The following TMEM161A variants were observed in gnomAD, a reference collection of about 807,000 sequenced individuals.
TMEM161A encodes transmembrane protein 161A.
Under a neutral mutation model 57.1 loss-of-function variants are expected in TMEM161A, and 46 were observed. The ratio of observed to expected loss-of-function variants is 0.81; its 90% CI spans 0.64 to 1.03. TMEM161A has a LOEUF of 1.03. TMEM161A is among the 50% of genes least tolerant of loss of function. The pLI is 0.00. For synonymous variants in TMEM161A, 288 were observed against 279.0 expected, an observed-to-expected ratio of 1.03 and a Z score of -0.32; for missense variants, 601 against 621.5, an observed-to-expected ratio of 0.97 and a Z score of 0.35.
chr19:19,120,228 AG>A (rs1265384325), intron 11 of TMEM161A, 45 bp from the exon 12 acceptor site: 1 of 1,466,984 alleles, frequency 6.8e-7, no homozygotes, highest in Non-Finnish European at 9.1e-7. Context: ...AAAATGGGGG[AG>A]GGGGCGAGGG....
intron 5 of TMEM161A, 59 bp from the exon 6 acceptor site, chr19:19,130,366 A>G: frequency 6.3e-7 from 1 of 1,598,512 alleles, no homozygotes; most frequent in South Asian, 1.1e-5. Context: ...CCATTTCACC[A>G]CACTCCGTCT....
Position 19,130,283 on chromosome 19 carries a change from C to T in TMEM161A, c.468G>A (p.Arg156=). 5.0e-6 allele frequency: 8 copies of T among 1,613,596 alleles called. No homozygotes were observed. Among genetic ancestry groups the T allele is most frequent in the Non-Finnish European group, 6.8e-6 (8 of 1,180,040 alleles). ...FSIKMFLTVT[R]LYFSAEEGGE... ...CCCCCTCCTCGGCGCTGAAGTACAG[C>T]CGTGTCACTGTCAGGAACATCTTGC... The change falls in exon 6 of 12, where the codon CGG becomes CGA. Residue 156 remains arginine (R), a synonymous_variant. Coordinates refer to ENST00000162044, the MANE Select transcript of TMEM161A (RefSeq NM_017814.3).
Position 19,119,900 on chromosome 19 carries a change from C to T in TMEM161A, c.*30G>A. 1.3e-6 allele frequency: 2 copies of T among 1,547,758 alleles called. No individual in the cohort carries two copies. Among genetic ancestry groups the T allele is most frequent in the Non-Finnish European group, 1.7e-6 (2 of 1,146,446 alleles). Reference sequence around the variant, plus strand: ...AGTGTCCCGCTGCCCCAGGAACAGACCTCAGGGCCCCAGGAGGGTCTGCAG... The same window carrying T: ...AGTGTCCCGCTGCCCCAGGAACAGATCTCAGGGCCCCAGGAGGGTCTGCAG... On this transcript the variant is annotated 3_prime_UTR_variant, in exon 12 of 12. Transcript: ENST00000162044.
At position 19,121,260 on chromosome 19, in the gene TMEM161A, G is replaced by A. The variant is rs1599702761; in HGVS notation, c.914+48C>T. On this transcript the variant is annotated intron_variant, in intron 9 of 11. Coordinates refer to ENST00000162044, the MANE Select transcript of TMEM161A (RefSeq NM_017814.3). The surrounding 1 kb of genome is among the most constrained non-coding windows in gnomAD (Gnocchi z 5.8). ...CTCCTCCCTGAATCTCAGAGGCTAGGGCACCCAGGGGAGCCCCAGCTACCT... is the reference window on the plus strand; with the variant it reads ...CTCCTCCCTGAATCTCAGAGGCTAGAGCACCCAGGGGAGCCCCAGCTACCT... The A allele has an allele frequency of 6.4e-7, 1 of 1,552,134 alleles. No individual in the cohort carries two copies. Among genetic ancestry groups the A allele is most frequent in the Non-Finnish European group, 8.7e-7 (1 of 1,147,276 alleles).
intron 6 of TMEM161A, among the ~76,000 whole-genome samples, chr19:19,127,050 A>G (rs1364696976): frequency 6.6e-6 from 1 of 152,094 alleles, no homozygotes; most frequent in East Asian, 1.9e-4. Context: ...ACTCTGTCTC[A>G]AAAATAAAAT....
chr19:19,132,616 G>A lies in TMEM161A; in HGVS notation c.286+41C>T. 1 of 1,558,388 alleles carries A rather than the reference G, an allele frequency of 6.4e-7. No homozygotes were observed. Among genetic ancestry groups the A allele is most frequent in the Non-Finnish European group, 8.7e-7 (1 of 1,150,800 alleles). ...CCCATGAGGGTGTGGAGACCTTCAG[G>A]GCTGAGGGAGTAGAGTTTAGGGATG... On this transcript the variant is annotated intron_variant, in intron 4 of 11. Coordinates refer to ENST00000162044, the MANE Select transcript of TMEM161A (RefSeq NM_017814.3). This position sits in a 1 kb window ranked among gnomAD's most constrained non-coding sequence, Gnocchi z 4.3.
In TMEM161A at chr19:19,121,915, C is replaced by T. The variant is rs2059913138; in HGVS notation, c.596-96G>A. 7.1e-7 allele frequency: 1 copy of T among 1,405,666 alleles called. No homozygotes were observed. Among genetic ancestry groups the T allele is most frequent in the South Asian group, 1.2e-5 (1 of 80,504 alleles). 87.1% of individuals were successfully genotyped at this position (1,405,666 alleles called of 1,614,324 possible). ...CCCCCATCCCTCAGGCATCCGTTTGCTTCCCAAGTAGGAATGAACAAGGGT... is the reference window on the plus strand; with the variant it reads ...CCCCCATCCCTCAGGCATCCGTTTGTTTCCCAAGTAGGAATGAACAAGGGT... On this transcript the variant is annotated intron_variant, in intron 6 of 11. Transcript: ENST00000162044. The surrounding 1 kb of genome is among the most constrained non-coding windows in gnomAD (Gnocchi z 5.8).
intron 1 of TMEM161A, among the ~76,000 whole-genome samples, chr19:19,137,342 A>C (rs761143479): frequency 7.3e-5 from 11 of 150,480 alleles, no homozygotes; most frequent in Non-Finnish European, 5.9e-5. Context: ...ACCCCCCAAA[A>C]CCCCCCAAGG....
At position 19,134,990 on chromosome 19, in the gene TMEM161A, G is replaced by T. The variant is rs1224978240; in HGVS notation, c.4-103C>A. The T allele has an allele frequency of 4.9e-6, 4 of 812,816 alleles. No individual in the cohort carries two copies. In the African/African-American group the frequency reaches 5.1e-5, roughly 10 times the overall value. The allele number at this position is 812,816 out of a possible 1,614,324, so 50.4% of individuals were successfully genotyped here. On this transcript the variant is annotated intron_variant, in intron 1 of 11. Coordinates refer to ENST00000162044, the MANE Select transcript of TMEM161A (RefSeq NM_017814.3). ...TATAGAGAAGTCAGGCTGGATGGGG[G>T]AAGGGCGAGCCTCTTAGGCTCTAGC... is the stretch of plus-strand genomic sequence containing the variant.
chr19:19,128,349 A>G (rs1228360484), intron 6 of TMEM161A, among the ~76,000 whole-genome samples: 1 of 148,396 alleles, frequency 6.7e-6, no homozygotes, highest in Admixed American at 7.0e-5. Context: ...CTCCTGCCTC[A>G]GCCTCCCAAG....
intron 6 of TMEM161A, among the ~76,000 whole-genome samples, chr19:19,122,608 C>T (rs2059915929): frequency 6.6e-6 from 1 of 151,880 alleles, no homozygotes; most frequent in Non-Finnish European, 1.5e-5. Flanking sequence ...GCAAAACCCC[C>T]ATCTCTACAA....
rs753818543 is a variant in TMEM161A at position 19,133,269 on chromosome 19, G to T, written c.108-59C>A. 7.3e-6 allele frequency: 11 copies of T among 1,508,426 alleles called. No homozygotes were observed. In the East Asian group the frequency reaches 2.5e-4, roughly 34 times the overall value. The allele number at this position is 1,508,426 out of a possible 1,614,324, so 93.4% of individuals were successfully genotyped here. Reference sequence around the variant, plus strand: ...GGCGTGGGGTTGGGAGGTTGAGGCAGTGAACCCCAAATCCAGGGATTCTAG... The same window carrying T: ...GGCGTGGGGTTGGGAGGTTGAGGCATTGAACCCCAAATCCAGGGATTCTAG... On this transcript the variant is annotated intron_variant, in intron 2 of 11. Transcript: ENST00000162044.
At chr19:19,128,572 C>G (rs1323986680) in intron 6 of TMEM161A, among the ~76,000 whole-genome samples, 1 of 132,434 alleles carries the variant, frequency 7.6e-6, no homozygotes, top group Non-Finnish European at 1.6e-5. Context: ...GAGTTTCACT[C>G]TTGTTGCTCA....
rs181547087 is a variant in TMEM161A at position 19,126,637 on chromosome 19, G to C, written c.595+3519C>G. ...TAATCTCAGCACTTTGGGAGGCCAAGATGGGCAGGATCACCTGAGGTCAGG... is the reference window on the plus strand; with the variant it reads ...TAATCTCAGCACTTTGGGAGGCCAACATGGGCAGGATCACCTGAGGTCAGG... On this transcript the variant is annotated intron_variant, in intron 6 of 11. Coordinates refer to ENST00000162044, the MANE Select transcript of TMEM161A (RefSeq NM_017814.3). 2.6e-5 allele frequency among the ~76,000 whole-genome samples: 4 copies of C among 152,260 alleles called. No homozygotes were observed. The East Asian group carries it at 7.7e-4, about 29-fold the overall frequency.
intron 11 of TMEM161A, 24 bp from the exon 12 acceptor site, chr19:19,120,207 G>GT: frequency 6.6e-7 from 1 of 1,512,720 alleles, no homozygotes; most frequent in Non-Finnish European, 8.9e-7. Context: ...ATGAAGCGAG[G>GT]TATGAGTGGA....
intron 11 of TMEM161A, 118 bp from the exon 12 acceptor site, chr19:19,120,301 C>A: frequency 1.1e-6 from 1 of 918,668 alleles, no homozygotes; most frequent in Non-Finnish European, 1.6e-6. Context: ...GTCTCAGACT[C>A]CATCTCCAGC....
At chr19:19,122,980 C>T (rs1275438678) in intron 6 of TMEM161A, among the ~76,000 whole-genome samples, 1 of 152,148 alleles carries the variant, frequency 6.6e-6, no homozygotes, top group Non-Finnish European at 1.5e-5. Flanking sequence ...AGAATTCCTT[C>T]AGATGACTGG....
chr19:19,130,289 C>T lies in TMEM161A; in HGVS notation c.462G>A (p.Val154=), dbSNP rs1168611347. 1.9e-6 allele frequency: 3 copies of T among 1,613,476 alleles called. No individual in the cohort carries two copies. Among genetic ancestry groups the T allele is most frequent in the Middle Eastern group, 3.3e-4 (2 of 6,062 alleles). The change falls in exon 6 of 12, where the codon GTG becomes GTA. Residue 154 remains valine (V), a synonymous_variant. Transcript: ENST00000162044. ...VTFSIKMFLT[V]TRLYFSAEEG... ...CCTCGGCGCTGAAGTACAGCCGTGT[C>T]ACTGTCAGGAACATCTTGCTGGAGG...
At chr19:19,133,035 G>A (rs1429458670) in intron 3 of TMEM161A, 95 bp downstream of exon 3, 59 of 1,223,668 alleles carry the variant, frequency 4.8e-5, no homozygotes, top group Middle Eastern at 2.4e-4. Flanking sequence ...GGCCGGTCCT[G>A]TGTCCCTGAG....
Sources: allele counts gnomAD v4.1 joint callset (sites outside exome capture counted in the v4.1 genomes callset), GRCh38; gene constraint gnomAD v4.1.1; non-coding constraint Gnocchi (gnomAD v3.1); transcripts MANE v1.5; gene names NCBI Gene and HGNC (gene_info 2026-07-23, HGNC 2026-07-21).